SYN3: variants seen among roughly 807,000 people sequenced by gnomAD.
SYN3 encodes the protein synapsin-3.
Under a neutral mutation model 65.8 loss-of-function variants are expected in SYN3, and 35 were observed. That is an observed-to-expected ratio of 0.53 (90% CI 0.41 to 0.70). The LOEUF (loss-of-function observed/expected upper bound fraction) is 0.70. SYN3 is among the 30% of genes least tolerant of loss of function. The pLI, the probability that SYN3 is intolerant of heterozygous loss-of-function variation, is 0.00. For synonymous variants in SYN3, 270 were observed against 292.9 expected (o/e 0.92, Z 0.80); for missense variants, 680 against 749.0 (o/e 0.91, Z 1.08).
At chr22:32,757,064 G>C (rs2045312664) in intron 6 of SYN3, among the ~76,000 whole-genome samples, 1 of 150,540 alleles carries the variant, frequency 6.6e-6, no homozygotes, top group Non-Finnish European at 1.5e-5. Flanking sequence ...TTTTGAGGGG[G>C]GGTGGTTTGG....
At chr22:32,762,449 TTC>T (rs1442595313) in intron 6 of SYN3, among the ~76,000 whole-genome samples, 2 of 152,234 alleles carry the variant, frequency 1.3e-5, no homozygotes, top group African/African-American at 2.4e-5. Flanking sequence ...GAAAATGTCT[TTC>T]TCTTTGTTAT....
intron 4 of SYN3, among the ~76,000 whole-genome samples, chr22:32,907,932 C>A (rs1337368276): frequency 6.6e-6 from 1 of 152,162 alleles, no homozygotes; most frequent in East Asian, 1.9e-4. Context: ...TTCCTTGCAA[C>A]CTCCCTATAA....
chr22:32,990,994 G>A (rs1361029451), intron 2 of SYN3, among the ~76,000 whole-genome samples: 1 of 152,082 alleles, frequency 6.6e-6, no homozygotes, highest in East Asian at 1.9e-4. Flanking sequence ...GTCCATCCTG[G>A]CCAACATAGT....
At chr22:32,735,062 G>A (rs2061321188) in intron 6 of SYN3, among the ~76,000 whole-genome samples, 1 of 152,188 alleles carries the variant, frequency 6.6e-6, no homozygotes, top group South Asian at 2.1e-4. Context: ...GTGAGAGGTG[G>A]TTACACTCCA....
At chr22:32,777,723 T>G (rs1175291982) in intron 6 of SYN3, among the ~76,000 whole-genome samples, 1 of 152,230 alleles carries the variant, frequency 6.6e-6, no homozygotes, top group Non-Finnish European at 1.5e-5. Flanking sequence ...TAGCTTTTCT[T>G]GCTTATGATT....
At chr22:32,860,913 GTTTTTTT>G (rs766674644) in intron 6 of SYN3, 3 of 135,774 alleles carry the variant, frequency 2.2e-5, no homozygotes, top group South Asian at 4.7e-4. Flanking sequence ...TTTCTGTTGT[GTTTTTTT>G]TTTTTTTTTT....
intron 6 of SYN3, among the ~76,000 whole-genome samples, chr22:32,643,557 C>CGGGGG (rs1172115733): frequency 1.0e-4 from 2 of 19,920 alleles, no homozygotes; most frequent in African/African-American, 5.1e-4. Flanking sequence ...GGTGGGGGGG[C>CGGGGG]GGGGGGGGCA....
chr22:32,592,171 A>C (rs1169094954), intron 7 of SYN3, among the ~76,000 whole-genome samples: 1 of 152,230 alleles, frequency 6.6e-6, no homozygotes, highest in Non-Finnish European at 1.5e-5. Context: ...ATTTTGGGGC[A>C]GTACAATTTT....
At chr22:32,727,649 T>C (rs2061214055) in intron 6 of SYN3, among the ~76,000 whole-genome samples, 1 of 152,182 alleles carries the variant, frequency 6.6e-6, no homozygotes, top group African/African-American at 2.4e-5. Flanking sequence ...GCATCTTTTG[T>C]TTTTTGACTT....
At chr22:32,871,234 T>C (rs1024285265) in intron 4 of SYN3, among the ~76,000 whole-genome samples, 2 of 152,200 alleles carry the variant, frequency 1.3e-5, no homozygotes, top group Admixed American at 1.3e-4. Flanking sequence ...CAAACCTGGC[T>C]ATCTAAAAAA....
chr22:32,828,770 C>G (rs1326124557), intron 6 of SYN3, among the ~76,000 whole-genome samples: 1 of 152,184 alleles, frequency 6.6e-6, no homozygotes, highest in Non-Finnish European at 1.5e-5. Context: ...CCTGTGTTTG[C>G]CTCATCAGCA....
intron 7 of SYN3, among the ~76,000 whole-genome samples, chr22:32,575,521 G>A (rs991198178): frequency 9.2e-5 from 14 of 152,162 alleles, no homozygotes; most frequent in African/African-American, 2.9e-4. Flanking sequence ...CATGACCTGC[G>A]ATGCACTGGC....
In SYN3 at chr22:32,508,311, C is replaced by CT. The variant is rs2146021011; in HGVS notation, c.*5380dup. On this transcript the variant is annotated 3_prime_UTR_variant, in exon 14 of 14. Transcript: ENST00000358763. ...ACTGAGCACCTTGTGACCCCCGCCC[C>CT]TGCCCACCAGAGAACAACCCCCTTT... 6.6e-6 allele frequency among the ~76,000 whole-genome samples: 1 copy of CT among 152,322 alleles called. No homozygotes were observed. The highest frequency in any genetic ancestry group is 2.1e-4 in the South Asian group (1 of 4,818).
At chr22:33,030,878 TAGACAC>T (rs1210523762) in intron 1 of SYN3, among the ~76,000 whole-genome samples, 3 of 148,668 alleles carry the variant, frequency 2.0e-5, no homozygotes, top group Non-Finnish European at 3.0e-5. Context: ...TAGAGACAAA[TAGACAC>T]AGAGAGATAG....
intron 6 of SYN3, among the ~76,000 whole-genome samples, chr22:32,705,498 T>C (rs1179379885): frequency 1.3e-5 from 2 of 152,180 alleles, no homozygotes; most frequent in Non-Finnish European, 1.5e-5. Context: ...TGATGCCTCC[T>C]GCTTTGTTCT....
rs188524558 is a variant in SYN3 at position 32,955,340 on chromosome 22, G to A, written c.370-23859C>T. 1.4e-3 allele frequency among the ~76,000 whole-genome samples: 206 copies of A among 152,198 alleles called. 1 individual carries two copies. The highest frequency in any genetic ancestry group is 4.9e-3 in the African/African-American group (202 of 41,514). Reference sequence around the variant, plus strand: ...ATGAGGCAGATAAAGTGATGGAGAAGTGTGCATGGAAGTGCCATTTCAGAT... The same window carrying A: ...ATGAGGCAGATAAAGTGATGGAGAAATGTGCATGGAAGTGCCATTTCAGAT... On this transcript the variant is annotated intron_variant, in intron 3 of 13. Transcript: ENST00000358763.
chr22:32,894,329 G>A (rs1057330394), intron 4 of SYN3, among the ~76,000 whole-genome samples: 1 of 152,216 alleles, frequency 6.6e-6, no homozygotes, highest in Non-Finnish European at 1.5e-5. Flanking sequence ...CTGTGACTTT[G>A]CACAGGCTGC....
At chr22:32,726,971 GTTT>G (rs35000501) in intron 6 of SYN3, among the ~76,000 whole-genome samples, 1 of 146,684 alleles carries the variant, frequency 6.8e-6, no homozygotes, top group East Asian at 2.0e-4. Context: ...CTGGAATGAA[GTTT>G]TTTTTTTTTT....
At chr22:32,947,545 G>C (rs993634737) in intron 3 of SYN3, 2 of 152,226 alleles carry the variant, frequency 1.3e-5, no homozygotes, top group Non-Finnish European at 2.9e-5. Context: ...CAGGGGAAAG[G>C]CTCAACCTAA....
Sources: allele counts gnomAD v4.1 joint callset (sites outside exome capture counted in the v4.1 genomes callset), GRCh38; gene constraint gnomAD v4.1.1; transcripts MANE v1.5; gene names NCBI Gene and HGNC (gene_info 2026-07-23, HGNC 2026-07-21).